Variants in PARP6 observed in about 807,000 individuals in gnomAD.
PARP6 encodes the protein poly(ADP-ribose) polymerase family member 6, also known as protein mono-ADP-ribosyltransferase PARP6.
PARP6 carries 27 observed loss-of-function variants against 92.0 expected under a neutral mutation model. The ratio of observed to expected loss-of-function variants is 0.29; its 90% CI spans 0.22 to 0.40. The LOEUF is 0.40. Ranked by LOEUF, PARP6 falls within the 10% of genes least tolerant of loss-of-function variation. PARP6 has a pLI of 1.00. For synonymous variants in PARP6, 272 were observed against 281.2 expected (o/e 0.97, Z 0.33); for missense variants, 501 against 784.5 (o/e 0.64, Z 4.32).
intron 20 of PARP6, among the ~76,000 whole-genome samples, chr15:72,248,053 G>T (rs569670270): frequency 1.3e-5 from 2 of 152,256 alleles, no homozygotes; most frequent in African/African-American, 4.8e-5. Context: ...TTACACGTGT[G>T]AGCCACCGTG....
chr15:72,253,584 T>TA, intron 15 of PARP6, 80 bp from the exon 16 acceptor site: 1 of 1,231,360 alleles, frequency 8.1e-7, no homozygotes, highest in South Asian at 1.3e-5. Context: ...GAGTGACTAT[T>TA]AGGGTCCAGG....
At chr15:72,262,997 TTAAGTAGCAAATTGACATATACTCTGG>T (rs1567225620) in intron 8 of PARP6, among the ~76,000 whole-genome samples, 1 of 152,200 alleles carries the variant, frequency 6.6e-6, no homozygotes, top group Non-Finnish European at 1.5e-5. Context: ...AACCTCTCCT[TTAAGTAGCAAATTGACATATACTCTGG>T]TAAGTAGCAA....
At chr15:72,250,130 T>C in intron 18 of PARP6, 38 bp from the exon 19 acceptor site, 1 of 1,350,914 alleles carries the variant, frequency 7.4e-7, no homozygotes, top group Non-Finnish European at 1.1e-6. Context: ...CCTTATGATA[T>C]GAGGTTCCCA....
At chr15:72,247,403 G>A (rs1395788742) in intron 20 of PARP6, among the ~76,000 whole-genome samples, 2 of 151,742 alleles carry the variant, frequency 1.3e-5, no homozygotes, top group Non-Finnish European at 2.9e-5. Flanking sequence ...GAACTCCTGA[G>A]CTCAAGCAAT....
intron 20 of PARP6, among the ~76,000 whole-genome samples, chr15:72,247,053 C>T (rs1223058473): frequency 6.6e-6 from 1 of 152,088 alleles, no homozygotes; most frequent in Non-Finnish European, 1.5e-5. Flanking sequence ...CCACTGCGCC[C>T]AGCCAAAAAG....
At chr15:72,246,917 G>C (rs2083685279) in intron 20 of PARP6, among the ~76,000 whole-genome samples, 1 of 151,954 alleles carries the variant, frequency 6.6e-6, no homozygotes, top group African/African-American at 2.4e-5. Flanking sequence ...ACCACGCCTG[G>C]CTAATTTTCT....
Position 72,266,203 on chromosome 15 carries a change from AAGGTTCAGC to A in PARP6, c.82-221_82-213del, listed in dbSNP as rs200090987. 4.8e-3 allele frequency among the ~76,000 whole-genome samples: 732 copies of A among 152,304 alleles called. 7 individuals carry two copies. The highest frequency in any genetic ancestry group is 0.017 in the African/African-American group (698 of 41,562). ...GTCTCCATCTCATCATGACTTTAAA[AAGGTTCAGC>A]AGACCAAATGTAGGCTTTTGCTTGG... On this transcript the variant is annotated intron_variant, in intron 4 of 23. Transcript: ENST00000569795.
intron 20 of PARP6, among the ~76,000 whole-genome samples, chr15:72,248,427 C>T (rs1236605678): frequency 1.3e-5 from 2 of 150,992 alleles, no homozygotes; most frequent in African/African-American, 2.4e-5. Context: ...CTGCAACCTC[C>T]GCCTCCCGGG....
At chr15:72,244,085 G>A (rs187988338) in intron 20 of PARP6, 104 of 151,518 alleles carry the variant, frequency 6.9e-4, no homozygotes, top group African/African-American at 2.5e-3. Context: ...TACAGGACAG[G>A]TACTCATAAC....
chr15:72,265,210 T>C lies in PARP6; in HGVS notation c.238-39A>G, dbSNP rs745448415. 3.3e-5 allele frequency: 48 copies of C among 1,435,304 alleles called. No individual in the cohort carries two copies. The Middle Eastern group carries it at 5.2e-4, about 16-fold the overall frequency. 88.9% of individuals were successfully genotyped at this position (1,435,304 alleles called of 1,614,324 possible). ...GGAAATAGTTTCCAGTTTAGCAACA[T>C]AGACGAATGGACCTGAAATTTCCCC... On this transcript the variant is annotated intron_variant, in intron 6 of 23. Coordinates refer to ENST00000569795, the MANE Select transcript of PARP6 (RefSeq NM_001323532.2).
At chr15:72,260,400 C>T in intron 10 of PARP6, 78 bp downstream of exon 10, 1 of 1,170,114 alleles carries the variant, frequency 8.5e-7, no homozygotes, top group East Asian at 2.4e-5. Flanking sequence ...ATCCCCACCC[C>T]ATTTTGAGAA....
intron 8 of PARP6, 63 bp downstream of exon 8, chr15:72,264,492 T>G: frequency 8.0e-7 from 1 of 1,248,220 alleles, no homozygotes; most frequent in Non-Finnish European, 1.2e-6. Context: ...TGTCCATCCA[T>G]ATATTTCCAC....
intron 7 of PARP6, 128 bp from the exon 8 acceptor site, chr15:72,264,749 G>T (rs1018235919): frequency 2.9e-6 from 2 of 697,312 alleles, no homozygotes; most frequent in African/African-American, 1.8e-5. Flanking sequence ...AGTAACGGTG[G>T]AAGAAAAAAA....
At chr15:72,254,643 G>C (rs2084826093) in intron 14 of PARP6, 123 bp from the exon 15 acceptor site, 1 of 684,804 alleles carries the variant, frequency 1.5e-6, no homozygotes, top group Non-Finnish European at 2.6e-6. Flanking sequence ...GTATGTCATG[G>C]AAAGAGCATT....
At chr15:72,249,694 A>G (rs1343782405) in intron 19 of PARP6, among the ~76,000 whole-genome samples, 1 of 152,234 alleles carries the variant, frequency 6.6e-6, no homozygotes, top group African/African-American at 2.4e-5. Context: ...AAAGTCTCCC[A>G]TATCTACTCC....
intron 9 of PARP6, 21 bp from the exon 10 acceptor site, chr15:72,260,709 G>T: frequency 6.3e-7 from 1 of 1,580,558 alleles, no homozygotes; most frequent in Non-Finnish European, 8.7e-7. Flanking sequence ...AGAGCAAAGA[G>T]AAGTGATAAA....
intron 18 of PARP6, 48 bp from the exon 19 acceptor site, chr15:72,250,140 AG>A (rs746998432): frequency 4.9e-6 from 6 of 1,218,656 alleles, no homozygotes; most frequent in African/African-American, 1.5e-5. Context: ...TGAGGTTCCC[AG>A]GAACACTCCC....
chr15:72,260,353 C>G (rs758973279), intron 10 of PARP6, 125 bp downstream of exon 10: 24 of 731,670 alleles, frequency 3.3e-5, no homozygotes, highest in Non-Finnish European at 4.7e-5. Flanking sequence ...ACTCATGGTA[C>G]ATACCTAGGT....
At chr15:72,253,134 C>G in intron 16 of PARP6, among the ~76,000 whole-genome samples, 1 of 149,744 alleles carries the variant, frequency 6.7e-6, no homozygotes, top group Non-Finnish European at 1.5e-5. Context: ...ATGATCGCAC[C>G]ACTGCACTCT....
Sources: gnomAD v4.1 joint callset for allele counts (sites outside exome capture counted in the v4.1 genomes callset) on GRCh38, gnomAD v4.1.1 for gene constraint, MANE v1.5 for transcripts, NCBI Gene and HGNC (gene_info 2026-07-23, HGNC 2026-07-21) for gene names.